BCAS3: variants seen among roughly 807,000 people sequenced by gnomAD.
BCAS3 encodes the protein BCAS3 microtubule associated cell migration factor.
Under a neutral mutation model 116.1 loss-of-function variants are expected in BCAS3, and 53 were observed. That is an observed-to-expected ratio of 0.46 (90% confidence interval 0.37 to 0.57). The LOEUF (loss-of-function observed/expected upper bound fraction) is 0.57. Ranked by LOEUF, BCAS3 falls within the 20% of genes least tolerant of loss-of-function variation. The probability of loss-of-function intolerance (pLI) is 0.00; values close to 1 mark genes in which losing one functional copy is unlikely to be tolerated. For synonymous variants in BCAS3, 391 were observed against 408.2 expected, an observed-to-expected ratio of 0.96 and a Z score of 0.51; for missense variants, 917 against 1,165.4, an observed-to-expected ratio of 0.79 and a Z score of 3.10.
chr17:61,194,658 TA>T (rs2080367302), intron 22 of BCAS3, among the ~76,000 whole-genome samples: 1 of 147,540 alleles, frequency 6.8e-6, no homozygotes, highest in Non-Finnish European at 1.5e-5. Context: ...GAGAATCACT[TA>T]AACCTGAGAG....
At chr17:60,936,923 A>G (rs2059961813) in intron 13 of BCAS3, among the ~76,000 whole-genome samples, 1 of 152,146 alleles carries the variant, frequency 6.6e-6, no homozygotes, top group Non-Finnish European at 1.5e-5. Context: ...TTTAGACATG[A>G]AGTCTTTGCC....
At chr17:61,080,183 G>T (rs1435662623) in intron 21 of BCAS3, among the ~76,000 whole-genome samples, 1 of 151,990 alleles carries the variant, frequency 6.6e-6, no homozygotes, top group East Asian at 1.9e-4. Context: ...GGGACTACAG[G>T]CGTGAGCCAC....
rs1196475095 is a variant in BCAS3 at position 61,348,604 on chromosome 17, G to A, written c.2426-19723G>A. Among the ~76,000 whole-genome samples the A allele has an allele frequency of 6.6e-6, 1 of 152,066 alleles. No homozygotes were observed. Among genetic ancestry groups the A allele is most frequent in the Non-Finnish European group, 1.5e-5 (1 of 68,018 alleles). On this transcript the variant is annotated intron_variant, in intron 22 of 23. Transcript: ENST00000407086. The surrounding 1 kb of genome is among the most constrained non-coding windows in gnomAD (Gnocchi z 4.5). ...GTCAGAGAGGGAAGAGGAAAACTGA[G>A]GAAGCTAGGGAGTAGTCAGCAATTT...
chr17:60,717,617 C>T (rs1471375545), intron 5 of BCAS3, among the ~76,000 whole-genome samples: 1 of 152,160 alleles, frequency 6.6e-6, no homozygotes, highest in African/African-American at 2.4e-5. Context: ...TAGCAGTTGG[C>T]TAGGGCTTTG....
intron 6 of BCAS3, among the ~76,000 whole-genome samples, chr17:60,794,180 A>G (rs1310194087): frequency 2.0e-5 from 3 of 152,034 alleles, no homozygotes; most frequent in African/African-American, 7.2e-5. Flanking sequence ...ATTTTTTCAT[A>G]TGTTTTTTGG....
rs1216636770 is a variant in BCAS3 at position 61,282,974 on chromosome 17, A to T, written c.2426-85353A>T. The stretch of plus-strand genomic sequence containing the variant: ...ACATATTTTATATTTTTATATATAA[A>T]TTTTTTTCACTGTGATTTTCCCCCT... On this transcript the variant is annotated intron_variant, in intron 22 of 23. Transcript: ENST00000407086. This position sits in a 1 kb window ranked among gnomAD's most constrained non-coding sequence, Gnocchi z 5.9. Among the ~76,000 whole-genome samples, 2 of 150,480 alleles carry T rather than the reference A, an allele frequency of 1.3e-5. No homozygotes were observed. The highest frequency in any genetic ancestry group is 2.4e-5 in the African/African-American group (1 of 41,164).
chr17:61,082,995 C>T lies in BCAS3; in HGVS notation c.2328-1472C>T, dbSNP rs763392590. ...TCATCTGTCCCATGTTTCTTATCAACTTTTTATCTTCCATCAATAGCCTTT... is the reference window on the plus strand; with the variant it reads ...TCATCTGTCCCATGTTTCTTATCAATTTTTTATCTTCCATCAATAGCCTTT... On this transcript the variant is annotated intron_variant, in intron 21 of 23. Transcript: ENST00000407086. The surrounding 1 kb of genome is among the most constrained non-coding windows in gnomAD (Gnocchi z 5.1). Among the ~76,000 whole-genome samples, 2 of 152,188 alleles carry T rather than the reference C, an allele frequency of 1.3e-5. No homozygotes were observed. Among genetic ancestry groups the T allele is most frequent in the African/African-American group, 2.4e-5 (1 of 41,454 alleles).
Position 61,122,643 on chromosome 17 carries a change from G to A in BCAS3, c.2425+38079G>A, listed in dbSNP as rs2075842861. 6.6e-6 allele frequency among the ~76,000 whole-genome samples: 1 copy of A among 152,150 alleles called. No homozygotes were observed. Among genetic ancestry groups the A allele is most frequent in the Admixed American group, 6.5e-5 (1 of 15,276 alleles). ...AACAAACATTATCTTGCTCCCATAT[G>A]TTTTTGTAGGATCTTGAAAGGGAAA... is the stretch of plus-strand genomic sequence containing the variant. On this transcript the variant is annotated intron_variant, in intron 22 of 23. Coordinates refer to ENST00000407086, the MANE Select transcript of BCAS3 (RefSeq NM_017679.5). The surrounding 1 kb of genome is among the most constrained non-coding windows in gnomAD (Gnocchi z 4.6).
Position 60,961,314 on chromosome 17 carries a change from G to T in BCAS3, c.1221+13962G>T, listed in dbSNP as rs1009944922. Among the ~76,000 whole-genome samples, 1 of 152,064 alleles carries T rather than the reference G, an allele frequency of 6.6e-6. No homozygotes were observed. The highest frequency in any genetic ancestry group is 2.4e-5 in the African/African-American group (1 of 41,420). ...ACAGAATCAGTAGGGCATTACAGAG[G>T]TTTATCAGCATACATGATTCTGGCG... On this transcript the variant is annotated intron_variant, in intron 14 of 23. Transcript: ENST00000407086. The surrounding 1 kb of genome is among the most constrained non-coding windows in gnomAD (Gnocchi z 4.8).
chr17:61,003,967 C>T lies in BCAS3; in HGVS notation c.1487-11784C>T, dbSNP rs2145488092. On this transcript the variant is annotated intron_variant, in intron 15 of 23. Transcript: ENST00000407086. ...TTTCATGTACGCTGGTCAGTTTTCC[C>T]ACAAAGAAATTCTTCTATCCTCTGT... 3.3e-5 allele frequency: 5 copies of T among 152,122 alleles called. No homozygotes were observed. In the East Asian group the frequency reaches 9.7e-4, roughly 29 times the overall value. 9.4% of individuals were successfully genotyped at this position (152,122 alleles called of 1,614,324 possible).
At position 61,279,642 on chromosome 17, in the gene BCAS3, A is replaced by G. The variant is rs1346903238; in HGVS notation, c.2426-88685A>G. Among the ~76,000 whole-genome samples the G allele has an allele frequency of 6.6e-6, 1 of 152,138 alleles. No homozygotes were observed. Among genetic ancestry groups the G allele is most frequent in the African/African-American group, 2.4e-5 (1 of 41,432 alleles). ...CTGCCTTGGGATAAGCATATATTAC[A>G]TTCAGTCTTAATCCCTTGGAGGACA... On this transcript the variant is annotated intron_variant, in intron 22 of 23. Transcript: ENST00000407086. This position sits in a 1 kb window ranked among gnomAD's most constrained non-coding sequence, Gnocchi z 4.4.
chr17:60,776,384 C>G (rs1302453048), intron 6 of BCAS3, among the ~76,000 whole-genome samples: 1 of 152,110 alleles, frequency 6.6e-6, no homozygotes, highest in African/African-American at 2.4e-5. Context: ...TATTAGTTTT[C>G]CAAATGTAAC....
At chr17:61,290,489 G>A (rs563278475) in intron 22 of BCAS3, among the ~76,000 whole-genome samples, 2 of 152,230 alleles carry the variant, frequency 1.3e-5, no homozygotes, top group African/African-American at 2.4e-5. Flanking sequence ...AAAATGCTTA[G>A]CACTTACTAA....
rs1426637593 is a variant in BCAS3, at chr17:61,313,806, C to G, written c.2426-54521C>G. The stretch of plus-strand genomic sequence containing the variant: ...AAAAATATACAACTGGAAAGGCAAG[C>G]TCCCAATTAAGTGGAAGAGCTCAAG... On this transcript the variant is annotated intron_variant, in intron 22 of 23. Coordinates refer to ENST00000407086, the MANE Select transcript of BCAS3 (RefSeq NM_017679.5). This position sits in a 1 kb window ranked among gnomAD's most constrained non-coding sequence, Gnocchi z 4.3. 6.6e-6 allele frequency among the ~76,000 whole-genome samples: 1 copy of G among 152,214 alleles called. No individual in the cohort carries two copies. Among genetic ancestry groups the G allele is most frequent in the Non-Finnish European group, 1.5e-5 (1 of 68,042 alleles).
chr17:61,218,151 C>T (rs2081911632), intron 22 of BCAS3, among the ~76,000 whole-genome samples: 1 of 152,194 alleles, frequency 6.6e-6, no homozygotes. Flanking sequence ...GGGCATCTTA[C>T]AACTTGTTCC....
At position 61,181,715 on chromosome 17, in the gene BCAS3, CAAAA is replaced by C. The variant is rs979371323; in HGVS notation, c.2425+97152_2425+97155del. 4.6e-5 allele frequency among the ~76,000 whole-genome samples: 7 copies of C among 152,094 alleles called. No homozygotes were observed. Among genetic ancestry groups the C allele is most frequent in the African/African-American group, 1.7e-4 (7 of 41,402 alleles). On this transcript the variant is annotated intron_variant, in intron 22 of 23. Transcript: ENST00000407086. The surrounding 1 kb of genome is among the most constrained non-coding windows in gnomAD (Gnocchi z 5.0). ...GGATGATAAGAGTCAACTCTAAAAT[CAAAA>C]TAAATAGAAGCTCCACCATGATTTT...
chr17:60,736,374 C>T (rs1356490010), intron 5 of BCAS3, among the ~76,000 whole-genome samples: 2 of 151,362 alleles, frequency 1.3e-5, no homozygotes, highest in African/African-American at 2.4e-5. Context: ...TTATTAGAGA[C>T]GGTGTTTCTC....
At chr17:60,858,339 T>G (rs1370751100) in intron 7 of BCAS3, among the ~76,000 whole-genome samples, 1 of 151,996 alleles carries the variant, frequency 6.6e-6, no homozygotes, top group Non-Finnish European at 1.5e-5. Flanking sequence ...CCTTTCCCTC[T>G]CTCTTGCAAC....
At chr17:61,176,565 T>G (rs28573231) in intron 22 of BCAS3, among the ~76,000 whole-genome samples, 22,675 of 145,202 alleles carry the variant, frequency 0.16, 1,798 homozygotes, top group African/African-American at 0.2. Context: ...ATTTATTTAT[T>G]TATGTATTTA....
Sources: gnomAD v4.1 joint callset for allele counts (sites outside exome capture counted in the v4.1 genomes callset) on GRCh38, gnomAD v4.1.1 for gene constraint, Gnocchi (gnomAD v3.1) non-coding constraint, MANE v1.5 for transcripts, NCBI Gene and HGNC (gene_info 2026-07-23, HGNC 2026-07-21) for gene names.